The following KDM4C variants were observed in gnomAD, a reference collection of about 807,000 sequenced individuals.
KDM4C encodes the protein lysine demethylase 4C.
A neutral mutation model predicts 129.3 loss-of-function variants in KDM4C; 81 were observed. The ratio of observed to expected loss-of-function variants is 0.63; its 90% CI spans 0.52 to 0.75. The LOEUF (loss-of-function observed/expected upper bound fraction) is 0.75, where lower values mean the gene tolerates loss of function less well. Among genes scored for constraint, KDM4C ranks in the 30% least tolerant of loss-of-function variants. The pLI is 0.00. For missense variants in KDM4C, 1,457 were observed against 1,304.0 expected (o/e 1.12, Z -1.81); for synonymous variants, 573 against 456.1 (o/e 1.26, Z -3.26).
chr9:7,166,462 GTGTC>G (rs1225146481), intron 20 of KDM4C, among the ~76,000 whole-genome samples: 354 of 28,538 alleles, frequency 0.012, 4 homozygotes, highest in Non-Finnish European at 0.018. Flanking sequence ...GTGTGTATGT[GTGTC>G]TGTGTGTGTA....
chr9:7,133,833 C>G (rs926051663), intron 19 of KDM4C, among the ~76,000 whole-genome samples: 1 of 152,334 alleles, frequency 6.6e-6, no homozygotes, highest in East Asian at 1.9e-4. Context: ...GTTTGAGAAA[C>G]TAGAACAGAG....
At chr9:7,072,057 C>T (rs1833270337) in intron 17 of KDM4C, among the ~76,000 whole-genome samples, 1 of 152,120 alleles carries the variant, frequency 6.6e-6, no homozygotes, top group South Asian at 2.1e-4. Context: ...TGACAAAATG[C>T]TTAATGTCAT....
chr9:7,020,813 C>T (rs886822980), intron 15 of KDM4C, among the ~76,000 whole-genome samples: 8 of 152,060 alleles, frequency 5.3e-5, no homozygotes, highest in African/African-American at 1.9e-4. Flanking sequence ...GTGTTACAAA[C>T]AATCCAGTTA....
intron 1 of KDM4C, among the ~76,000 whole-genome samples, chr9:6,749,340 A>T (rs966597922): frequency 6.6e-6 from 1 of 152,174 alleles, no homozygotes; most frequent in Non-Finnish European, 1.5e-5. Flanking sequence ...AAAAGGTGTC[A>T]GGATATCAAT....
At chr9:7,098,349 A>G (rs997284407) in intron 17 of KDM4C, among the ~76,000 whole-genome samples, 1 of 152,082 alleles carries the variant, frequency 6.6e-6, no homozygotes, top group African/African-American at 2.4e-5. Flanking sequence ...GGTGAATCTC[A>G]CCAAACAAAA....
At chr9:6,900,459 T>C (rs1451839595) in intron 8 of KDM4C, among the ~76,000 whole-genome samples, 2 of 152,174 alleles carry the variant, frequency 1.3e-5, no homozygotes, top group Admixed American at 6.5e-5. Flanking sequence ...TCACAATTGG[T>C]TGAGTTTGGA....
intron 17 of KDM4C, among the ~76,000 whole-genome samples, chr9:7,094,683 G>A (rs1436443552): frequency 6.6e-6 from 1 of 152,160 alleles, no homozygotes; most frequent in Non-Finnish European, 1.5e-5. Flanking sequence ...CCCTGAAAAG[G>A]TGCTTCCTCT....
At chr9:6,975,212 A>T (rs1185095219) in intron 8 of KDM4C, among the ~76,000 whole-genome samples, 2 of 152,198 alleles carry the variant, frequency 1.3e-5, no homozygotes, top group Non-Finnish European at 2.9e-5. Flanking sequence ...AAGTGGGAGG[A>T]GGGAAAGAAA....
intron 15 of KDM4C, among the ~76,000 whole-genome samples, chr9:7,016,515 C>T (rs915633973): frequency 6.6e-6 from 1 of 150,702 alleles, no homozygotes; most frequent in Non-Finnish European, 1.5e-5. Flanking sequence ...CAACCTCCGC[C>T]TCCCAGGTTA....
chr9:7,068,382 C>G (rs775428450), intron 17 of KDM4C, among the ~76,000 whole-genome samples: 3 of 152,144 alleles, frequency 2.0e-5, no homozygotes, highest in African/African-American at 7.2e-5. Context: ...TTTATGTATA[C>G]AATTTGATCA....
chr9:7,158,871 G>T (rs563848623), intron 19 of KDM4C, among the ~76,000 whole-genome samples: 1 of 152,292 alleles, frequency 6.6e-6, no homozygotes, highest in South Asian at 2.1e-4. Flanking sequence ...TTGGTGCAGA[G>T]CTGAGTTCAA....
At chr9:6,750,018 A>G (rs935114266) in intron 1 of KDM4C, among the ~76,000 whole-genome samples, 2 of 150,956 alleles carry the variant, frequency 1.3e-5, no homozygotes, top group Non-Finnish European at 3.0e-5. Context: ...AAAAAAGAGT[A>G]ACCTAAAGCC....
chr9:6,896,437 T>G (rs552670263), intron 8 of KDM4C, among the ~76,000 whole-genome samples: 140 of 151,798 alleles, frequency 9.2e-4, no homozygotes, highest in Non-Finnish European at 1.4e-3. Context: ...TCTGCATACA[T>G]TATATGTGCA....
At chr9:7,149,526 C>T (rs1842537623) in intron 19 of KDM4C, among the ~76,000 whole-genome samples, 1 of 152,238 alleles carries the variant, frequency 6.6e-6, no homozygotes. Context: ...GTTCCCAGCC[C>T]CCATGTGCAG....
In KDM4C at chr9:6,733,933, C is replaced by G. The variant is rs539164592; in HGVS notation, c.49+12936C>G. On this transcript the variant is annotated intron_variant, in intron 1 of 17. Coordinates refer to the KDM4C transcript ENST00000536108. ...TGTAGCAGTGAGGACAACCAGAGGT[C>G]ACGCTCACATCTTGGTTTTGGTGGG... 4.5e-4 allele frequency among the ~76,000 whole-genome samples: 68 copies of G among 152,306 alleles called. 2 individuals are homozygous for G. In the South Asian group the frequency reaches 0.014, roughly 31 times the overall value.
At chr9:7,081,193 T>C (rs1315717903) in intron 17 of KDM4C, among the ~76,000 whole-genome samples, 1 of 152,178 alleles carries the variant, frequency 6.6e-6, no homozygotes, top group Non-Finnish European at 1.5e-5. Flanking sequence ...AACCTGAAGT[T>C]TTATTGTTCC....
intron 19 of KDM4C, among the ~76,000 whole-genome samples, chr9:7,141,804 T>C (rs886687859): frequency 2.0e-5 from 3 of 152,090 alleles, no homozygotes; most frequent in African/African-American, 4.8e-5. Flanking sequence ...TAGGTTTTTT[T>C]TTTTTCTTTT....
chr9:7,145,004 A>G (rs1842088607), intron 19 of KDM4C, among the ~76,000 whole-genome samples: 1 of 152,128 alleles, frequency 6.6e-6, no homozygotes, highest in African/African-American at 2.4e-5. Flanking sequence ...CTTTCTATGC[A>G]TTTTGCTTCA....
intron 5 of KDM4C, among the ~76,000 whole-genome samples, chr9:6,856,582 A>C (rs941927786): frequency 3.8e-5 from 3 of 78,238 alleles, no homozygotes; most frequent in Non-Finnish European, 8.3e-5. Flanking sequence ...GTGTGTGTGT[A>C]TTTTTTTTTG....
Sources: allele counts gnomAD v4.1 joint callset (sites outside exome capture counted in the v4.1 genomes callset), GRCh38; gene constraint gnomAD v4.1.1; transcripts MANE v1.5; gene names NCBI Gene and HGNC (gene_info 2026-07-23, HGNC 2026-07-21).